SMAD7: variants seen among roughly 807,000 people sequenced by gnomAD.
SMAD7 encodes SMAD family member 7.
Under a neutral mutation model 38.7 loss-of-function variants are expected in SMAD7, and 8 were observed. The observed-to-expected ratio is 0.21, with a 90% CI of 0.12 to 0.37. The LOEUF (loss-of-function observed/expected upper bound fraction) is 0.37, where lower values mean the gene tolerates loss of function less well. SMAD7 is among the 10% of genes least tolerant of loss of function. The probability of loss-of-function intolerance (pLI) is 1.00; values close to 1 mark genes in which losing one functional copy is unlikely to be tolerated. For missense variants in SMAD7, 477 were observed against 577.9 expected, an observed-to-expected ratio of 0.83 and a Z score of 1.79; for synonymous variants, 327 against 265.1, an observed-to-expected ratio of 1.23 and a Z score of -2.27.
At position 48,943,178 on chromosome 18, in the gene SMAD7, G is replaced by A. The variant is rs193162417; in HGVS notation, c.668-623C>T. On this transcript the variant is annotated intron_variant, in intron 2 of 3. Transcript: ENST00000262158. The stretch of plus-strand genomic sequence containing the variant: ...CAGAGAACATTCTCAGCAAGGCTCC[G>A]AGCCGGAGGGGAAATGTTCTACCTC... Among the ~76,000 whole-genome samples, 53 of 152,232 alleles carry A rather than the reference G, an allele frequency of 3.5e-4. No homozygotes were observed. The East Asian group carries it at 9.5e-3, about 27-fold the overall frequency.
Position 48,949,712 on chromosome 18 carries a change from T to A in SMAD7, c.613+100A>T. 5 of 1,295,286 alleles carry A rather than the reference T, an allele frequency of 3.9e-6. No individual in the cohort carries two copies. The Admixed American group carries it at 1.0e-4, about 27-fold the overall frequency. The allele number at this position is 1,295,286 out of a possible 1,614,324, so 80.2% of individuals were successfully genotyped here. A position where few individuals can be genotyped will look rare whatever the true frequency, so the allele number is the denominator to read the frequency against. ...CACTCTCCCAGGAGGGTATGCACAC[T>A]CCCCCTGGAGGGATGGCTGCACAAA... On this transcript the variant is annotated intron_variant, in intron 1 of 3. Transcript: ENST00000262158.
Position 48,921,486 on chromosome 18 carries a change from C to T in SMAD7, c.1167G>A (p.Pro389=), listed in dbSNP as rs775414890. The T allele has an allele frequency of 3.0e-5, 49 of 1,614,106 alleles. No individual in the cohort carries two copies. Among genetic ancestry groups the T allele is most frequent in the Non-Finnish European group, 3.6e-5 (43 of 1,180,042 alleles). Residue 389 remains proline (P), a synonymous_variant, in exon 4 of 4, where the codon CCG becomes CCA. Transcript: ENST00000262158. This position sits in a 1 kb window ranked among gnomAD's most constrained non-coding sequence, Gnocchi z 6.4. ...TGATCTGCACGGTAAAGCCCGTCCA[C>T]GGCTGCTGCATAAACTCGTGGTCAT... ...RPNDHEFMQQ[P]WTGFTVQISF... is the part of the protein sequence containing the mutation.
intron 3 of SMAD7, among the ~76,000 whole-genome samples, chr18:48,936,070 A>C (rs1599228474): frequency 7.1e-6 from 1 of 141,748 alleles, no homozygotes; most frequent in Non-Finnish European, 1.5e-5. Flanking sequence ...GTGAGACTCC[A>C]TCTCAAAACA....
rs2070245629 is a variant in SMAD7, at chr18:48,950,174, G to A, written c.251C>T (p.Ala84Val). ...HPHPPAAGAG[A>V]AGGAEADLKA... ...CAGATCCGCCTCGGCGCCCCCGGCC[G>A]CGCCGGCGCCCGCGGCTGGCGGGTG... The change falls in exon 1 of 4, where the codon GCG (alanine) becomes GTG (valine). Residue 84 changes from alanine (A) to valine (V), a missense_variant. Physicochemically the swap from Ala to Val is moderately conservative, Grantham distance 64. Around this residue, in one of 2 missense-constraint regions of SMAD7, gnomAD observed 376 missense variants for 379.4 expected, o/e 0.99. Transcript: ENST00000262158. The A allele has an allele frequency of 6.7e-7, 1 of 1,483,578 alleles. No individual in the cohort carries two copies. The highest frequency in any genetic ancestry group is 2.9e-5 in the East Asian group (1 of 34,224). 91.9% of individuals were successfully genotyped at this position (1,483,578 alleles called of 1,614,324 possible). A position where few individuals can be genotyped will look rare whatever the true frequency, so the allele number is the denominator to read the frequency against.
intron 1 of SMAD7, among the ~76,000 whole-genome samples, chr18:48,948,891 A>C (rs1353590179): frequency 6.6e-6 from 1 of 152,310 alleles, no homozygotes; most frequent in East Asian, 1.9e-4. Flanking sequence ...GCCCATTCCT[A>C]GCGCACTCGG....
rs909077107 is a variant in SMAD7 at position 48,942,416 on chromosome 18, C to T, written c.742+65G>A. Reference sequence around the variant, plus strand: ...GGGGTGGCAGAAGGCCACCCCCATTCCTCCAGTCTTTAGCAATTTCAAAAA... The same window carrying T: ...GGGGTGGCAGAAGGCCACCCCCATTTCTCCAGTCTTTAGCAATTTCAAAAA... On this transcript the variant is annotated intron_variant, in intron 3 of 3. Coordinates refer to ENST00000262158, the MANE Select transcript of SMAD7 (RefSeq NM_005904.4). The T allele has an allele frequency of 8.7e-6, 10 of 1,144,538 alleles. 1 individual carries two copies. The Admixed American group carries it at 1.6e-4, about 19-fold the overall frequency. 70.9% of individuals were successfully genotyped at this position (1,144,538 alleles called of 1,614,324 possible). A position where few individuals can be genotyped will look rare whatever the true frequency, so the allele number is the denominator to read the frequency against.
Position 48,950,169 on chromosome 18 carries a change from C to G in SMAD7, c.256G>C (p.Gly86Arg), listed in dbSNP as rs1303374652. 3 of 1,485,386 alleles carry G rather than the reference C, an allele frequency of 2.0e-6. No homozygotes were observed. The Admixed American group carries it at 7.5e-5, about 37-fold the overall frequency. The allele number at this position is 1,485,386 out of a possible 1,614,324, so 92.0% of individuals were successfully genotyped here. The change falls in exon 1 of 4, where the codon GGG (glycine) becomes CGG (arginine). Residue 86 changes from glycine to arginine, a missense_variant. Coordinates refer to ENST00000262158, the MANE Select transcript of SMAD7 (RefSeq NM_005904.4). ...GCCTTCAGATCCGCCTCGGCGCCCC[C>G]GGCCGCGCCGGCGCCCGCGGCTGGC... ...HPPAAGAGAA[G>R]GAEADLKALT...
chr18:48,943,426 A>G (rs1568304975), intron 2 of SMAD7, among the ~76,000 whole-genome samples: 1 of 152,226 alleles, frequency 6.6e-6, no homozygotes, highest in Non-Finnish European at 1.5e-5. Context: ...AATGAGGATA[A>G]TGACAATTCC....
intron 1 of SMAD7, 61 bp downstream of exon 1, chr18:48,949,751 G>C (rs2070239199): frequency 6.6e-7 from 1 of 1,504,774 alleles, no homozygotes; most frequent in Non-Finnish European, 8.9e-7. Flanking sequence ...ACTGCCCTAG[G>C]GGCTTTTCTT....
At chr18:48,937,502 T>C (rs1220878340) in intron 3 of SMAD7, among the ~76,000 whole-genome samples, 1 of 152,196 alleles carries the variant, frequency 6.6e-6, no homozygotes, top group African/African-American at 2.4e-5. Context: ...GCTGTCACCC[T>C]GTATTTAACC....
rs752480111 is a variant in SMAD7 at position 48,950,391 on chromosome 18, G to T, written c.34C>A (p.Arg12Ser). 113 of 1,546,394 alleles carry T rather than the reference G, an allele frequency of 7.3e-5. 1 individual carries two copies. The highest frequency in any genetic ancestry group is 9.9e-5 in the Non-Finnish European group (113 of 1,147,162). ...FRTKRSALVR[R>S]LWRSRAPGGE... ...CCGGGCGCACGGCTCCTCCAGAGAC[G>T]CCGGACGAGCGCAGATCGTTTGGTC... The change falls in exon 1 of 4, where the codon CGT becomes AGT. Residue 12 changes from arginine (R) to serine (S), a missense_variant. Arg to Ser is a moderately radical substitution (Grantham distance 110, BLOSUM62 -1). Around this residue, in one of 2 missense-constraint regions of SMAD7, gnomAD observed 376 missense variants for 379.4 expected, o/e 0.99. Coordinates refer to ENST00000262158, the MANE Select transcript of SMAD7 (RefSeq NM_005904.4).
chr18:48,922,506 A>ACCTC (rs1471517445), intron 3 of SMAD7, among the ~76,000 whole-genome samples: 2 of 88,712 alleles, frequency 2.3e-5, no homozygotes, highest in Non-Finnish European at 4.4e-5. Flanking sequence ...GTCATGAGGA[A>ACCTC]CCTATCTGGT....
chr18:48,942,272 C>A (rs185060902), intron 3 of SMAD7, among the ~76,000 whole-genome samples: 6 of 152,186 alleles, frequency 3.9e-5, no homozygotes, highest in Non-Finnish European at 7.3e-5. Context: ...GTCCACGGAA[C>A]GGATCCAGTG....
At chr18:48,944,077 A>G (rs1421535070) in intron 2 of SMAD7, among the ~76,000 whole-genome samples, 1 of 152,194 alleles carries the variant, frequency 6.6e-6, no homozygotes, top group Non-Finnish European at 1.5e-5. Flanking sequence ...GGATACACTT[A>G]ATCAAACAGA....
Position 48,921,101 on chromosome 18 carries a change from T to C in SMAD7, c.*271A>G. The C allele has an allele frequency of 2.1e-6, 1 of 470,920 alleles. No homozygotes were observed. The highest frequency in any genetic ancestry group is 3.8e-5 in the Admixed American group (1 of 26,130). The allele number at this position is 470,920 out of a possible 1,614,324, so 29.2% of individuals were successfully genotyped here. A position where few individuals can be genotyped will look rare whatever the true frequency, so the allele number is the denominator to read the frequency against. ...CTGTGTTTGGTGGTGCTTGGATTTC[T>C]GCTTCCCCTCTTCCTATCAGGGTGT... On this transcript the variant is annotated 3_prime_UTR_variant, in exon 4 of 4. Coordinates refer to ENST00000262158, the MANE Select transcript of SMAD7 (RefSeq NM_005904.4). The surrounding 1 kb of genome is among the most constrained non-coding windows in gnomAD (Gnocchi z 6.4).
chr18:48,943,514 TC>T (rs1278048129), intron 2 of SMAD7, among the ~76,000 whole-genome samples: 1 of 152,148 alleles, frequency 6.6e-6, no homozygotes, highest in African/African-American at 2.4e-5. Context: ...AACTCATTAG[TC>T]CCATGAAACA....
At chr18:48,940,885 A>G (rs2070131215) in intron 3 of SMAD7, among the ~76,000 whole-genome samples, 1 of 151,696 alleles carries the variant, frequency 6.6e-6, no homozygotes, top group South Asian at 2.1e-4. Flanking sequence ...GTGAGGAGGC[A>G]CTCAGGCTGG....
At chr18:48,948,630 G>C (rs2070224434) in intron 1 of SMAD7, 193 bp from the exon 2 acceptor site, 3 of 424,314 alleles carry the variant, frequency 7.1e-6, no homozygotes, top group Non-Finnish European at 1.3e-5. Flanking sequence ...CGCCAGCCTC[G>C]GCGCTCCGCT....
Position 48,921,281 on chromosome 18 carries a change from T to C in SMAD7, c.*91A>G, listed in dbSNP as rs547981346. The C allele has an allele frequency of 8.6e-6, 10 of 1,166,078 alleles. No homozygotes were observed. In the South Asian group the frequency reaches 1.1e-4, roughly 13 times the overall value. 72.2% of individuals were successfully genotyped at this position (1,166,078 alleles called of 1,614,324 possible). On this transcript the variant is annotated 3_prime_UTR_variant, in exon 4 of 4. Coordinates refer to ENST00000262158, the MANE Select transcript of SMAD7 (RefSeq NM_005904.4). The surrounding 1 kb of genome is among the most constrained non-coding windows in gnomAD (Gnocchi z 6.4). ...AAAAAAAACGACCAAAGAGTTTGCA[T>C]GAAAAGCAAGCACTCAGGAGGAAAA... is the stretch of plus-strand genomic sequence containing the variant.
Sources: gnomAD v4.1 joint callset for allele counts (sites outside exome capture counted in the v4.1 genomes callset) on GRCh38, gnomAD v4.1.1 for gene constraint, gnomAD v4.1.1 regional missense constraint, Gnocchi (gnomAD v3.1) non-coding constraint, MANE v1.5 for transcripts, NCBI Gene and HGNC (gene_info 2026-07-23, HGNC 2026-07-21) for gene names.